MIPEP: variants seen among roughly 807,000 people sequenced by gnomAD.
The protein encoded by MIPEP is mitochondrial intermediate peptidase.
A neutral mutation model predicts 90.3 loss-of-function variants in MIPEP; 79 were observed. The ratio of observed to expected loss-of-function variants is 0.87; its 90% CI spans 0.73 to 1.05. MIPEP has a LOEUF of 1.05. Among genes scored for constraint, MIPEP ranks in the 50% least tolerant of loss-of-function variants. The pLI is 0.00. For synonymous variants in MIPEP, 334 were observed against 315.8 expected (o/e 1.06, Z -0.61); for missense variants, 940 against 905.6 (o/e 1.04, Z -0.49).
intron 4 of MIPEP, among the ~76,000 whole-genome samples, chr13:23,877,393 T>C (rs1259999539): frequency 6.6e-6 from 1 of 152,214 alleles, no homozygotes; most frequent in Non-Finnish European, 1.5e-5. Context: ...TGGCTGTTCT[T>C]GCAACTAGAA....
chr13:23,780,643 A>T (rs1952771763), intron 16 of MIPEP, among the ~76,000 whole-genome samples: 2 of 152,334 alleles, frequency 1.3e-5, no homozygotes, highest in African/African-American at 2.4e-5. Context: ...GCTTCAGATG[A>T]TCAAACTTCT....
intron 7 of MIPEP, among the ~76,000 whole-genome samples, chr13:23,868,898 CTG>C (rs1219815401): frequency 7.9e-5 from 12 of 152,190 alleles, no homozygotes; most frequent in African/African-American, 2.4e-4. Flanking sequence ...GCTTATCTGA[CTG>C]TGTGTTTTTT....
chr13:23,801,734 T>C (rs1368201398), intron 16 of MIPEP, among the ~76,000 whole-genome samples: 1 of 152,244 alleles, frequency 6.6e-6, no homozygotes, highest in African/African-American at 2.4e-5. Context: ...CTTTACCTTA[T>C]GCTTGTTAGG....
At chr13:23,752,610 C>T (rs956317874) in intron 18 of MIPEP, among the ~76,000 whole-genome samples, 2 of 152,122 alleles carry the variant, frequency 1.3e-5, no homozygotes, top group Non-Finnish European at 2.9e-5. Flanking sequence ...TCTTATTACT[C>T]AGAAATGTGA....
In MIPEP at chr13:23,868,612, A is replaced by T. The variant is rs575966911; in HGVS notation, c.943+680T>A. Among the ~76,000 whole-genome samples, 10 of 152,258 alleles carry T rather than the reference A, an allele frequency of 6.6e-5. No individual in the cohort carries two copies. In the East Asian group the frequency reaches 1.9e-3, roughly 29 times the overall value. Reference sequence around the variant, plus strand: ...CACCCTCACTAAGTCTTGCAACTTCACTGCCAAGACCTTGAGTCTCACGCA... The same window carrying T: ...CACCCTCACTAAGTCTTGCAACTTCTCTGCCAAGACCTTGAGTCTCACGCA... On this transcript the variant is annotated intron_variant, in intron 7 of 18. Transcript: ENST00000382172.
intron 14 of MIPEP, among the ~76,000 whole-genome samples, chr13:23,821,908 T>C (rs1240154750): frequency 1.3e-5 from 2 of 152,204 alleles, no homozygotes; most frequent in African/African-American, 2.4e-5. Flanking sequence ...TTTTGACCCA[T>C]GGTTAGTTGA....
chr13:23,834,186 C>G (rs918070944), intron 14 of MIPEP, among the ~76,000 whole-genome samples: 2 of 152,204 alleles, frequency 1.3e-5, no homozygotes, highest in African/African-American at 4.8e-5. Flanking sequence ...CAGGAAGCCT[C>G]TCAGGCTCTA....
chr13:23,797,717 CACAAAA>C (rs1952978481), intron 16 of MIPEP, among the ~76,000 whole-genome samples: 1 of 152,192 alleles, frequency 6.6e-6, no homozygotes, highest in Non-Finnish European at 1.5e-5. Context: ...CCTACAAAAA[CACAAAA>C]GGTACCTTTT....
chr13:23,788,172 G>C (rs1185435716), intron 16 of MIPEP, among the ~76,000 whole-genome samples: 1 of 152,160 alleles, frequency 6.6e-6, no homozygotes. Context: ...ATGTTTCAAA[G>C]TTTTCTTCAG....
intron 11 of MIPEP, among the ~76,000 whole-genome samples, 157 bp downstream of exon 11, chr13:23,841,178 T>A (rs1869277323): frequency 1.3e-5 from 2 of 152,190 alleles, no homozygotes; most frequent in Admixed American, 6.5e-5. Flanking sequence ...GTGTCTTAAA[T>A]CAGAAGTGCA....
intron 8 of MIPEP, among the ~76,000 whole-genome samples, chr13:23,863,340 C>A (rs1870393214): frequency 6.6e-6 from 1 of 152,146 alleles, no homozygotes; most frequent in African/African-American, 2.4e-5. Context: ...GGCAGGAATA[C>A]AGGTTGAGCC....
chr13:23,889,390 T>G lies in MIPEP; in HGVS notation c.-70A>C. 3 of 1,210,280 alleles carry G rather than the reference T, an allele frequency of 2.5e-6. No individual in the cohort carries two copies. The highest frequency in any genetic ancestry group is 3.8e-5 in the South Asian group (1 of 26,504). 75.0% of individuals were successfully genotyped at this position (1,210,280 alleles called of 1,614,324 possible). A position where few individuals can be genotyped will look rare whatever the true frequency, so the allele number is the denominator to read the frequency against. On this transcript the variant is annotated 5_prime_UTR_variant, in exon 1 of 19. Coordinates refer to ENST00000382172, the MANE Select transcript of MIPEP (RefSeq NM_005932.4). ...TGCTGCTTTCGCTGGGAGCGCGCGC[T>G]CCGCGTTTCCAAGGCAGCAGCCCAC...
intron 10 of MIPEP, among the ~76,000 whole-genome samples, chr13:23,853,410 C>A (rs1460658437): frequency 6.6e-6 from 1 of 152,136 alleles, no homozygotes; most frequent in Non-Finnish European, 1.5e-5. Context: ...GTTGCAGCTG[C>A]CTACAGTTTT....
At chr13:23,817,790 C>T (rs954667896) in intron 14 of MIPEP, among the ~76,000 whole-genome samples, 5 of 152,000 alleles carry the variant, frequency 3.3e-5, no homozygotes, top group African/African-American at 1.2e-4. Flanking sequence ...CACTTCCATC[C>T]AAAATTTGTT....
At chr13:23,797,031 C>A (rs916821543) in intron 16 of MIPEP, among the ~76,000 whole-genome samples, 2 of 152,148 alleles carry the variant, frequency 1.3e-5, no homozygotes, top group Non-Finnish European at 2.9e-5. Context: ...AGGAGCAGAG[C>A]ATTATATTGT....
chr13:23,857,842 T>G (rs144721267), intron 10 of MIPEP, among the ~76,000 whole-genome samples: 206 of 152,316 alleles, frequency 1.4e-3, no homozygotes, highest in African/African-American at 4.7e-3. Context: ...AATAAATAAT[T>G]AAGCAAATAC....
At chr13:23,834,796 A>G (rs1566011165) in intron 14 of MIPEP, among the ~76,000 whole-genome samples, 1 of 152,112 alleles carries the variant, frequency 6.6e-6, no homozygotes, top group Non-Finnish European at 1.5e-5. Context: ...TCACTGAACT[A>G]CTAATCATTC....
Position 23,809,878 on chromosome 13 carries a change from A to C in MIPEP, c.1700T>G (p.Val567Gly), listed in dbSNP as rs1311987221. The change falls in exon 15 of 19, where the codon GTT (valine) becomes GGT (glycine). Residue 567 changes from valine to glycine, a missense_variant. Physicochemically the swap from Val to Gly is moderately radical, Grantham distance 109. Transcript: ENST00000382172. ...AAGTTGCATATCAGCTGCAGCACAA[A>C]CCTTTTTAGATTCACAAAGACGAGA... ...MVSRLCESKK[V>G]CAAADMQLQV... 1 of 1,613,572 alleles carries C rather than the reference A, an allele frequency of 6.2e-7. No homozygotes were observed. The highest frequency in any genetic ancestry group is 1.7e-5 in the Admixed American group (1 of 59,984).
At position 23,881,837 on chromosome 13, in the gene MIPEP, C is replaced by A. The variant is rs773532131; in HGVS notation, c.364-50G>T. The A allele has an allele frequency of 2.1e-6, 3 of 1,414,154 alleles. No homozygotes were observed. In the Admixed American group the frequency reaches 5.2e-5, roughly 25 times the overall value. 87.6% of individuals were successfully genotyped at this position (1,414,154 alleles called of 1,614,324 possible). A position where few individuals can be genotyped will look rare whatever the true frequency, so the allele number is the denominator to read the frequency against. On this transcript the variant is annotated intron_variant, in intron 2 of 18. Transcript: ENST00000382172. ...AAAAGGGAATTTGATGAGAAGCTTT[C>A]TTCCAGGATCTGAGGGTGAAAATGA...
Sources: gnomAD v4.1 joint callset for allele counts (sites outside exome capture counted in the v4.1 genomes callset) on GRCh38, gnomAD v4.1.1 for gene constraint, MANE v1.5 for transcripts, NCBI Gene and HGNC (gene_info 2026-07-23, HGNC 2026-07-21) for gene names.